RGS12: variants seen among roughly 807,000 people sequenced by gnomAD.
The protein encoded by RGS12 is regulator of G protein signaling 12.
In RGS12, 66 loss-of-function variants were observed where a neutral mutation model predicts 120.1. The ratio of observed to expected loss-of-function variants is 0.55; its 90% CI spans 0.45 to 0.67. The LOEUF is 0.67. Among genes scored for constraint, RGS12 ranks in the 30% least tolerant of loss-of-function variants. RGS12 has a pLI of 0.00. For missense variants in RGS12, 1,859 were observed against 1,957.7 expected, an observed-to-expected ratio of 0.95 and a Z score of 0.95; for synonymous variants, 827 against 804.7, an observed-to-expected ratio of 1.03 and a Z score of -0.47.
chr4:3,329,496 AC>A (rs1711582678), intron 2 of RGS12, among the ~76,000 whole-genome samples: 1 of 152,168 alleles, frequency 6.6e-6, no homozygotes, highest in Non-Finnish European at 1.5e-5. Flanking sequence ...TGAGCACAGG[AC>A]CAAACCAAGT....
At chr4:3,392,293 C>T (rs972930955) in intron 4 of RGS12, among the ~76,000 whole-genome samples, 12 of 152,296 alleles carry the variant, frequency 7.9e-5, no homozygotes, top group Admixed American at 2.0e-4. Flanking sequence ...TCCTTATTGT[C>T]GGTTTTCAGC....
chr4:3,362,693 G>A (rs1465250785), intron 3 of RGS12, among the ~76,000 whole-genome samples: 1 of 147,968 alleles, frequency 6.8e-6, no homozygotes, highest in Non-Finnish European at 1.5e-5. Context: ...GGGTGTGTGT[G>A]AGGGTGTGTG....
chr4:3,342,823 T>C (rs944318581), intron 2 of RGS12, 114 bp from the exon 3 acceptor site: 2 of 797,446 alleles, frequency 2.5e-6, no homozygotes, highest in Non-Finnish European at 4.2e-6. Context: ...ATCTCTCTTT[T>C]TAAAAAGTCT....
chr4:3,296,627 TC>T (rs1723397841), intron 1 of RGS12, among the ~76,000 whole-genome samples: 1 of 152,236 alleles, frequency 6.6e-6, no homozygotes, highest in Non-Finnish European at 1.5e-5. Flanking sequence ...TCTTTGGGGA[TC>T]GCTATTCAGC....
chr4:3,317,685 C>G lies in RGS12; in HGVS notation c.1515C>G (p.Ala505=). Residue 505 remains alanine, a synonymous_variant, in exon 2 of 18, where the codon GCC becomes GCG. Transcript: ENST00000336727. The stretch of plus-strand genomic sequence containing the variant: ...ACCTAAACAAGCACCTAGGGCCAGC[C>G]TCTCCTGTGGAGGTGCCCCCAGCTT... ...FWDLNKHLGP[A]SPVEVPPASL... 3.1e-6 allele frequency: 5 copies of G among 1,610,854 alleles called. No individual in the cohort carries two copies. Among genetic ancestry groups the G allele is most frequent in the Non-Finnish European group, 4.2e-6 (5 of 1,178,108 alleles).
chr4:3,308,373 C>T (rs533246343), intron 1 of RGS12, among the ~76,000 whole-genome samples: 6 of 152,362 alleles, frequency 3.9e-5, no homozygotes, highest in African/African-American at 9.6e-5. Context: ...AGATGTGAAG[C>T]GTGTTGGCTC....
chr4:3,299,875 C>T (rs913164347), intron 1 of RGS12, among the ~76,000 whole-genome samples: 1 of 152,146 alleles, frequency 6.6e-6, no homozygotes, highest in African/African-American at 2.4e-5. Context: ...GGCCCATGAC[C>T]CCTGGACCCC....
chr4:3,419,976 C>T (rs1722828889), intron 9 of RGS12, among the ~76,000 whole-genome samples: 1 of 152,190 alleles, frequency 6.6e-6, no homozygotes, highest in Non-Finnish European at 1.5e-5. Context: ...CTGCCTTCCC[C>T]TCTCTCCTCA....
intron 4 of RGS12, among the ~76,000 whole-genome samples, chr4:3,396,250 A>G (rs940382648): frequency 2.6e-5 from 4 of 152,204 alleles, no homozygotes; most frequent in East Asian, 3.8e-4. Flanking sequence ...AAGCCTTTCT[A>G]TACCTTACCT....
intron 1 of RGS12, among the ~76,000 whole-genome samples, chr4:3,295,151 G>C (rs1195428633): frequency 1.3e-5 from 2 of 152,182 alleles, no homozygotes; most frequent in Non-Finnish European, 2.9e-5. Flanking sequence ...CCTGGAGGTG[G>C]TGAGGGCCCA....
At chr4:3,288,196 G>A (rs1199581573), upstream of RGS12, among the ~76,000 whole-genome samples, 3 of 152,186 alleles carry the variant, frequency 2.0e-5, no homozygotes, top group Non-Finnish European at 4.4e-5. This position sits in a 1 kb window ranked among gnomAD's most constrained non-coding sequence, Gnocchi z 5.2. Context: ...TGGGCCCGGC[G>A]GGTGTGTGGG....
intron 2 of RGS12, among the ~76,000 whole-genome samples, chr4:3,319,645 A>G (rs1243341725): frequency 6.6e-6 from 1 of 152,210 alleles, no homozygotes; most frequent in Non-Finnish European, 1.5e-5. Flanking sequence ...GGATTTTGCC[A>G]TCTTGCCCAG....
chr4:3,407,982 A>G (rs1243497838), intron 4 of RGS12, among the ~76,000 whole-genome samples: 1 of 152,196 alleles, frequency 6.6e-6, no homozygotes, highest in Non-Finnish European at 1.5e-5. Flanking sequence ...TCGAAAGAAA[A>G]AATCCCACAA....
At chr4:3,428,005 C>A (rs1421509461) in intron 14 of RGS12, 85 bp from the exon 15 acceptor site, 2 of 1,306,476 alleles carry the variant, frequency 1.5e-6, no homozygotes, top group South Asian at 1.2e-5. Flanking sequence ...CAGCTTTGCT[C>A]TCAGAGACAG....
Position 3,318,065 on chromosome 4 carries a change from G to C in RGS12, c.1881+14G>C, listed in dbSNP as rs1449945858. 6.7e-7 allele frequency: 1 copy of C among 1,498,864 alleles called. No individual in the cohort carries two copies. Among genetic ancestry groups the C allele is most frequent in the South Asian group, 1.3e-5 (1 of 78,586 alleles). 92.8% of individuals were successfully genotyped at this position (1,498,864 alleles called of 1,614,324 possible). Reference sequence around the variant, plus strand: ...GAAGATAAAAAGGTAAGCCTGCCAGGAGCCACTCAGCGCGGAGGCCCGGCC... The same window carrying C: ...GAAGATAAAAAGGTAAGCCTGCCAGCAGCCACTCAGCGCGGAGGCCCGGCC... On this transcript the variant is annotated intron_variant, in intron 2 of 17. Transcript: ENST00000336727.
In RGS12 at chr4:3,439,830, T is replaced by C; in HGVS notation, c.*146T>C. 1.4e-6 allele frequency: 1 copy of C among 721,622 alleles called. No individual in the cohort carries two copies. The highest frequency in any genetic ancestry group is 2.2e-6 in the Non-Finnish European group (1 of 458,200). The allele number at this position is 721,622 out of a possible 1,614,324, so 44.7% of individuals were successfully genotyped here. A position where few individuals can be genotyped will look rare whatever the true frequency, so the allele number is the denominator to read the frequency against. On this transcript the variant is annotated 3_prime_UTR_variant, in exon 18 of 18. Coordinates refer to ENST00000336727, the MANE Select transcript of RGS12 (RefSeq NM_001394154.1). ...CAGGGGGTGACCTCGCTGGAGGCACTGGCCCCGGACATTCGCCATGCTGGC... is the reference window on the plus strand; with the variant it reads ...CAGGGGGTGACCTCGCTGGAGGCACCGGCCCCGGACATTCGCCATGCTGGC...
chr4:3,331,613 TAA>T (rs554902197), intron 2 of RGS12, among the ~76,000 whole-genome samples: 5 of 141,236 alleles, frequency 3.5e-5, no homozygotes, highest in Admixed American at 1.4e-4. Context: ...AAATAGATTG[TAA>T]AAAAAAAAAA....
intron 3 of RGS12, among the ~76,000 whole-genome samples, chr4:3,367,394 T>C (rs895956868): frequency 3.9e-5 from 6 of 152,284 alleles, no homozygotes; most frequent in Non-Finnish European, 8.8e-5. Flanking sequence ...TGCTCCCGCC[T>C]TGCGGTGCTT....
intron 2 of RGS12, among the ~76,000 whole-genome samples, chr4:3,333,355 C>T (rs982622836): frequency 2.0e-5 from 3 of 152,088 alleles, no homozygotes; most frequent in Non-Finnish European, 2.9e-5. Context: ...GGCCTGGTCT[C>T]AAACTCTTGA....
Sources: gnomAD v4.1 joint callset for allele counts (sites outside exome capture counted in the v4.1 genomes callset) on GRCh38, gnomAD v4.1.1 for gene constraint, Gnocchi (gnomAD v3.1) non-coding constraint, MANE v1.5 for transcripts, NCBI Gene and HGNC (gene_info 2026-07-23, HGNC 2026-07-21) for gene names.